Variants in RALYL observed in about 807,000 individuals in gnomAD.
RALYL encodes RNA-binding Raly-like protein.
In RALYL, 29 loss-of-function variants were observed where a neutral mutation model predicts 35.1. The ratio of observed to expected loss-of-function variants is 0.83; its 90% CI spans 0.61 to 1.13. RALYL has a LOEUF of 1.13. RALYL is among the 50% of genes most tolerant of loss of function. The pLI is 0.00. For missense variants in RALYL, 359 were observed against 360.4 expected, an observed-to-expected ratio of 1.00 and a Z score of 0.03; for synonymous variants, 120 against 127.6, an observed-to-expected ratio of 0.94 and a Z score of 0.40.
intron 1 of RALYL, among the ~76,000 whole-genome samples, chr8:84,205,604 T>C (rs1442857336): frequency 6.6e-6 from 1 of 152,300 alleles, no homozygotes; most frequent in Middle Eastern, 3.4e-3. Flanking sequence ...GGAATAAATA[T>C]AGTGTATATT....
intron 2 of RALYL, among the ~76,000 whole-genome samples, chr8:84,572,337 G>A (rs1808212898): frequency 2.0e-5 from 3 of 151,760 alleles, no homozygotes; most frequent in South Asian, 2.1e-4. Context: ...CTGTCATAGT[G>A]TTGTTAGCTA....
intron 2 of RALYL, among the ~76,000 whole-genome samples, chr8:84,729,729 A>T (rs1260662787): frequency 6.6e-6 from 1 of 151,998 alleles, no homozygotes; most frequent in Non-Finnish European, 1.5e-5. Context: ...AGAAATACAA[A>T]CTACCATCAG....
At chr8:84,204,372 T>TA (rs2131055057) in intron 1 of RALYL, among the ~76,000 whole-genome samples, 1 of 152,314 alleles carries the variant, frequency 6.6e-6, no homozygotes, top group South Asian at 2.1e-4. Context: ...TCTTAAAATT[T>TA]AAAAAATGGG....
chr8:84,421,112 C>A (rs985291948), intron 1 of RALYL, among the ~76,000 whole-genome samples: 1 of 137,360 alleles, frequency 7.3e-6, no homozygotes, highest in African/African-American at 2.9e-5. Context: ...ATGGGGATGG[C>A]ATTGAATCTG....
intron 1 of RALYL, among the ~76,000 whole-genome samples, chr8:84,277,645 TG>T (rs1274365676): frequency 6.6e-6 from 1 of 152,134 alleles, no homozygotes; most frequent in Non-Finnish European, 1.5e-5. Context: ...CTAGATTCAG[TG>T]GGGGTACAGG....
chr8:84,870,989 C>T (rs1840088397), intron 6 of RALYL, among the ~76,000 whole-genome samples: 1 of 152,058 alleles, frequency 6.6e-6, no homozygotes, highest in African/African-American at 2.4e-5. Context: ...CCTAGATGAG[C>T]ATTTGCTGCC....
At chr8:84,621,377 C>G (rs1470251307) in intron 2 of RALYL, among the ~76,000 whole-genome samples, 1 of 152,182 alleles carries the variant, frequency 6.6e-6, no homozygotes, top group East Asian at 1.9e-4. Context: ...CGGCTGTCCC[C>G]CCTTTCTTTG....
At chr8:84,522,455 T>C (rs1053203777) in intron 1 of RALYL, among the ~76,000 whole-genome samples, 1 of 151,978 alleles carries the variant, frequency 6.6e-6, no homozygotes, top group East Asian at 1.9e-4. Flanking sequence ...TTCACCGTTT[T>C]AGCCGGGATA....
chr8:84,595,922 G>A (rs1318173909), intron 2 of RALYL, among the ~76,000 whole-genome samples: 4 of 151,936 alleles, frequency 2.6e-5, no homozygotes, highest in Non-Finnish European at 5.9e-5. Flanking sequence ...CTTCCAGAGG[G>A]CAAGGTGAGA....
intron 2 of RALYL, among the ~76,000 whole-genome samples, chr8:84,705,011 C>A (rs1440784830): frequency 6.6e-6 from 1 of 152,184 alleles, no homozygotes; most frequent in East Asian, 1.9e-4. Context: ...AGAAATTTTT[C>A]ACTAGCATGT....
chr8:84,184,634 G>A (rs897117361), intron 1 of RALYL, among the ~76,000 whole-genome samples: 6 of 152,066 alleles, frequency 3.9e-5, no homozygotes, highest in Non-Finnish European at 8.8e-5. Flanking sequence ...CTAGATGTGC[G>A]CAAAATACAG....
intron 1 of RALYL, among the ~76,000 whole-genome samples, chr8:84,334,391 T>G (rs1375729094): frequency 6.6e-6 from 1 of 151,914 alleles, no homozygotes; most frequent in Non-Finnish European, 1.5e-5. Context: ...ATAAATGAAT[T>G]TATATAGAGA....
intron 2 of RALYL, among the ~76,000 whole-genome samples, chr8:84,689,132 G>A (rs1184170815): frequency 1.3e-5 from 2 of 151,786 alleles, no homozygotes; most frequent in African/African-American, 4.8e-5. Context: ...CAATGTGCAG[G>A]TTAGTTACAT....
At chr8:84,499,561 T>C (rs1362656382) in intron 1 of RALYL, among the ~76,000 whole-genome samples, 1 of 152,132 alleles carries the variant, frequency 6.6e-6, no homozygotes, top group Non-Finnish European at 1.5e-5. Flanking sequence ...TTATATAATG[T>C]ACTTCTGTAG....
intron 1 of RALYL, among the ~76,000 whole-genome samples, chr8:84,255,989 A>T (rs1831133534): frequency 6.6e-6 from 1 of 152,168 alleles, no homozygotes; most frequent in African/African-American, 2.4e-5. Flanking sequence ...TTTGAAAGGC[A>T]TAGACAGAGT....
intron 1 of RALYL, among the ~76,000 whole-genome samples, chr8:84,256,755 G>A (rs186149454): frequency 2.0e-5 from 3 of 151,918 alleles, no homozygotes; most frequent in African/African-American, 7.3e-5. Flanking sequence ...ACAACTCTAG[G>A]GAATGGTACC....
chr8:84,217,895 CT>C (rs1296280068), intron 1 of RALYL, among the ~76,000 whole-genome samples: 7 of 151,952 alleles, frequency 4.6e-5, no homozygotes, highest in African/African-American at 1.7e-4. Flanking sequence ...AAGATGTTTT[CT>C]TTTTTAAAAA....
chr8:84,522,652 AGTG>A (rs764019539), intron 1 of RALYL, among the ~76,000 whole-genome samples: 33 of 152,144 alleles, frequency 2.2e-4, no homozygotes, highest in Non-Finnish European at 3.8e-4. Context: ...CTCTTTCAAA[AGTG>A]ACAACTTTAG....
chr8:84,583,605 C>T (rs1363576928), intron 2 of RALYL, among the ~76,000 whole-genome samples: 1 of 152,088 alleles, frequency 6.6e-6, no homozygotes, highest in Non-Finnish European at 1.5e-5. Context: ...AAAAATTAAA[C>T]AGCAAAATTG....
Sources: gnomAD v4.1 joint callset for allele counts (sites outside exome capture counted in the v4.1 genomes callset) on GRCh38, gnomAD v4.1.1 for gene constraint, MANE v1.5 for transcripts, NCBI Gene and HGNC (gene_info 2026-07-23, HGNC 2026-07-21) for gene names.